The following SLC2A9 variants were observed in gnomAD, a reference collection of about 807,000 sequenced individuals.
SLC2A9 encodes the protein solute carrier family 2 member 9, also known as solute carrier family 2, facilitated glucose transporter member 9.
A neutral mutation model predicts 50.6 loss-of-function variants in SLC2A9; 39 were observed. The observed-to-expected ratio is 0.77, with a 90% CI of 0.60 to 1.01. The LOEUF (loss-of-function observed/expected upper bound fraction) is 1.01. Ranked by LOEUF, SLC2A9 falls within the 50% of genes least tolerant of loss-of-function variation. The probability of loss-of-function intolerance (pLI) is 0.00; values close to 1 mark genes in which losing one functional copy is unlikely to be tolerated. For synonymous variants in SLC2A9, 324 were observed against 276.9 expected (o/e 1.17, Z -1.69); for missense variants, 686 against 677.6 (o/e 1.01, Z -0.14).
At chr4:9,930,167 CCT>C (rs1033191707) in intron 6 of SLC2A9, among the ~76,000 whole-genome samples, 2 of 152,116 alleles carry the variant, frequency 1.3e-5, no homozygotes, top group Admixed American at 6.6e-5. Flanking sequence ...CACCTTTCCT[CCT>C]CTCTCTCTCA....
chr4:9,899,652 G>A (rs1739228465), intron 8 of SLC2A9, among the ~76,000 whole-genome samples: 1 of 152,210 alleles, frequency 6.6e-6, no homozygotes, highest in African/African-American at 2.4e-5. Context: ...AGATGAATGT[G>A]CATAAAAGGT....
At chr4:10,008,900 G>GTTTT (rs1553911923) in intron 2 of SLC2A9, among the ~76,000 whole-genome samples, 5 of 134,860 alleles carry the variant, frequency 3.7e-5, no homozygotes, top group Admixed American at 1.5e-4. Context: ...CTGTGCGGTG[G>GTTTT]TTTTTTTTTT....
intron 6 of SLC2A9, among the ~76,000 whole-genome samples, chr4:9,923,156 T>C (rs923325124): frequency 2.6e-5 from 4 of 152,118 alleles, no homozygotes; most frequent in Admixed American, 2.6e-4. Context: ...CATTTCAGGC[T>C]GCCAGAGAAG....
intron 8 of SLC2A9, among the ~76,000 whole-genome samples, chr4:9,892,902 T>C (rs552838854): frequency 1.3e-5 from 2 of 152,346 alleles, no homozygotes; most frequent in South Asian, 2.1e-4. Context: ...GCACCTACTA[T>C]GTGCCAAGCA....
At chr4:9,983,245 G>T (rs569321553) in intron 4 of SLC2A9, among the ~76,000 whole-genome samples, 1 of 152,356 alleles carries the variant, frequency 6.6e-6, no homozygotes, top group South Asian at 2.1e-4. Context: ...GGCCAAGACT[G>T]TGAGGTCAAT....
intron 3 of SLC2A9, among the ~76,000 whole-genome samples, chr4:9,791,677 G>A (rs1200535791): frequency 6.6e-6 from 1 of 152,148 alleles, no homozygotes; most frequent in Non-Finnish European, 1.5e-5. Flanking sequence ...GGGAGTGTCT[G>A]ACCAAGAGCC....
intron 8 of SLC2A9, among the ~76,000 whole-genome samples, chr4:9,896,041 A>G (rs1738495000): frequency 6.6e-6 from 1 of 152,186 alleles, no homozygotes. Flanking sequence ...GCTGTTTCCA[A>G]TTTTCAGCTC....
rs115090236 is a variant in SLC2A9, at chr4:9,843,023, A to C, written c.1292-8015T>G. The stretch of plus-strand genomic sequence containing the variant: ...GGAAACTGTGGAAAACACATCTCAG[A>C]GTTACCCAGTCTGAGGGGTAGGAGG... On this transcript the variant is annotated intron_variant, in intron 10 of 11. Coordinates refer to ENST00000264784, the MANE Select transcript of SLC2A9 (RefSeq NM_020041.3). 3.3e-3 allele frequency among the ~76,000 whole-genome samples: 495 copies of C among 152,266 alleles called. 4 individuals carry two copies. Among genetic ancestry groups the C allele is most frequent in the African/African-American group, 0.011 (447 of 41,546 alleles).
rs551481241 is a variant in SLC2A9 at position 9,857,134 on chromosome 4, T to C, written c.1292-22126A>G. On this transcript the variant is annotated intron_variant, in intron 10 of 11. Coordinates refer to ENST00000264784, the MANE Select transcript of SLC2A9 (RefSeq NM_020041.3). ...GTTAAAAAAAGAAAAAAGCGTTCTC[T>C]GTATGGGTGCTGGAGTTATAAGGCT... 2.0e-5 allele frequency among the ~76,000 whole-genome samples: 3 copies of C among 152,306 alleles called. No individual in the cohort carries two copies. The East Asian group carries it at 5.8e-4, about 29-fold the overall frequency.
chr4:9,823,267 G>A (rs951965316), downstream of SLC2A9, among the ~76,000 whole-genome samples: 4 of 152,174 alleles, frequency 2.6e-5, no homozygotes, highest in Non-Finnish European at 5.9e-5. Context: ...AAGGAGACCT[G>A]TTAATTTGAC....
At chr4:9,895,422 G>A (rs148103546) in intron 8 of SLC2A9, among the ~76,000 whole-genome samples, 9 of 152,344 alleles carry the variant, frequency 5.9e-5, no homozygotes, top group East Asian at 1.9e-4. Flanking sequence ...TAGAGCGAAC[G>A]TGGTATTTCC....
intron 3 of SLC2A9, among the ~76,000 whole-genome samples, chr4:9,799,705 C>T (rs1424972507): frequency 1.0e-5 from 1 of 98,826 alleles, no homozygotes; most frequent in Non-Finnish European, 2.3e-5. Flanking sequence ...CCCCCCCCAC[C>T]CAACTTCTAC....
At chr4:10,017,101 C>T (rs1045413461) in intron 2 of SLC2A9, among the ~76,000 whole-genome samples, 1 of 152,222 alleles carries the variant, frequency 6.6e-6, no homozygotes, top group Non-Finnish European at 1.5e-5. Context: ...GCTCAAATAC[C>T]ACCTCCTCCA....
At chr4:9,831,685 T>C (rs1358678024) in intron 11 of SLC2A9, among the ~76,000 whole-genome samples, 3 of 152,156 alleles carry the variant, frequency 2.0e-5, no homozygotes, top group Non-Finnish European at 4.4e-5. Context: ...TGAGTTCTGG[T>C]GCCCAGAGAA....
chr4:9,816,492 G>A (rs7656342), intron 3 of SLC2A9, among the ~76,000 whole-genome samples: 88,948 of 151,824 alleles, frequency 0.59, 26,606 homozygotes, highest in Non-Finnish European at 0.65. Context: ...TTCAGGTACT[G>A]TATACCTGAA....
chr4:9,844,521 A>G (rs1728634057), intron 10 of SLC2A9, among the ~76,000 whole-genome samples: 1 of 152,238 alleles, frequency 6.6e-6, no homozygotes, highest in South Asian at 2.1e-4. Flanking sequence ...TAAATTCCTA[A>G]TAGTTATACT....
chr4:9,885,236 C>A (rs10939599), intron 10 of SLC2A9, among the ~76,000 whole-genome samples: 36,635 of 152,060 alleles, frequency 0.24, 4,817 homozygotes, highest in Admixed American at 0.36. Context: ...CTTCCTCCTG[C>A]CTACCCCTGC....
intron 3 of SLC2A9, among the ~76,000 whole-genome samples, chr4:9,988,543 C>G (rs1198232295): frequency 6.6e-6 from 1 of 152,196 alleles, no homozygotes; most frequent in Non-Finnish European, 1.5e-5. Context: ...GCAAAGCTGA[C>G]TCACTGGGCT....
intron 7 of SLC2A9, among the ~76,000 whole-genome samples, chr4:9,908,843 A>G (rs13113546): frequency 0.4 from 60,056 of 151,994 alleles, 14,174 homozygotes; most frequent in Non-Finnish European, 0.52. Flanking sequence ...TGGGGCTTCC[A>G]GGAAGTTTCC....
Sources: gnomAD v4.1 joint callset for allele counts (sites outside exome capture counted in the v4.1 genomes callset) on GRCh38, gnomAD v4.1.1 for gene constraint, MANE v1.5 for transcripts, NCBI Gene and HGNC (gene_info 2026-07-23, HGNC 2026-07-21) for gene names.